The following INSRR variants were observed in gnomAD, a reference collection of about 807,000 sequenced individuals.
INSRR encodes the protein insulin receptor related receptor, also known as insulin receptor-related protein.
INSRR carries 114 observed loss-of-function variants against 130.0 expected under a neutral mutation model. That is an observed-to-expected ratio of 0.88 (90% CI 0.75 to 1.02). The LOEUF is 1.02. INSRR is among the 50% of genes least tolerant of loss of function. The probability of loss-of-function intolerance (pLI) is 0.00; values close to 1 mark genes in which losing one functional copy is unlikely to be tolerated. For synonymous variants in INSRR, 674 were observed against 705.2 expected, an observed-to-expected ratio of 0.96 and a Z score of 0.70; for missense variants, 1,657 against 1,735.2, an observed-to-expected ratio of 0.95 and a Z score of 0.80.
chr1:156,851,170 A>T, intron 5 of INSRR, 120 bp downstream of exon 5: 1 of 1,036,606 alleles, frequency 9.6e-7, no homozygotes, highest in Non-Finnish European at 1.5e-6. Flanking sequence ...TAACCTACTT[A>T]GAGTCACACG....
chr1:156,846,788 A>G (rs1458077477), intron 7 of INSRR, 31 bp from the exon 8 acceptor site: 1 of 1,548,136 alleles, frequency 6.5e-7, no homozygotes, highest in East Asian at 2.2e-5. Flanking sequence ...CTGAGGGGTC[A>G]TTCAACCCCA....
chr1:156,847,426 G>A (rs1655050584), intron 7 of INSRR, among the ~76,000 whole-genome samples: 1 of 152,218 alleles, frequency 6.6e-6, no homozygotes, highest in African/African-American at 2.4e-5. Flanking sequence ...GGGCTCCCTG[G>A]GGGAGATGAC....
chr1:156,845,669 C>T lies in INSRR; in HGVS notation c.2124G>A (p.Ser708=). Residue 708 remains serine (S), a synonymous_variant, in exon 10 of 22, where the codon TCG becomes TCA. Transcript: ENST00000368195. ...VLPPLEAQEA[S]FQKKFENFLH... ...GAAAGTTTTCAAACTTCTTCTGGAA[C>T]GAGGCCTCTTGCGCCTCCAGCGGGG... is the stretch of plus-strand genomic sequence containing the variant. 6.2e-6 allele frequency: 10 copies of T among 1,610,578 alleles called. No individual in the cohort carries two copies. Among genetic ancestry groups the T allele is most frequent in the Non-Finnish European group, 8.5e-6 (10 of 1,178,954 alleles).
chr1:156,849,172 G>C, intron 6 of INSRR, 74 bp downstream of exon 6: 2 of 1,601,218 alleles, frequency 1.2e-6, no homozygotes, highest in South Asian at 2.2e-5. Context: ...TCCCCCTCGA[G>C]CTTTCTCCCT....
chr1:156,849,111 C>T, intron 6 of INSRR, 64 bp from the exon 7 acceptor site: 1 of 1,597,140 alleles, frequency 6.3e-7, no homozygotes, highest in South Asian at 1.1e-5. Flanking sequence ...CCACCCTGAC[C>T]CCGCGGCATC....
intron 2 of INSRR, 121 bp downstream of exon 2, chr1:156,853,631 G>A (rs1387862999): frequency 1.0e-6 from 1 of 991,622 alleles, no homozygotes; most frequent in Non-Finnish European, 1.5e-6. Context: ...CTCATAGGAT[G>A]AGTGAGGATT....
intron 1 of INSRR, among the ~76,000 whole-genome samples, chr1:156,855,649 C>T (rs1250869553): frequency 6.6e-6 from 1 of 151,960 alleles, no homozygotes; most frequent in African/African-American, 2.4e-5. Context: ...ATGGCAAAAC[C>T]CCACCTCTAA....
At chr1:156,850,330 G>A (rs1655157352) in intron 5 of INSRR, among the ~76,000 whole-genome samples, 1 of 151,958 alleles carries the variant, frequency 6.6e-6, no homozygotes, top group Non-Finnish European at 1.5e-5. Context: ...TCCTGCCTCA[G>A]CCTCCTGAGT....
chr1:156,840,801 G>A lies in INSRR; in HGVS notation c.*72C>T. ...GAGTTGGGGTGGGGGTGAACATTCA[G>A]GCGTCTCAGCCACAGAGGTCGGGTC... is the stretch of plus-strand genomic sequence containing the variant. On this transcript the variant is annotated 3_prime_UTR_variant, in exon 22 of 22. Transcript: ENST00000368195. 8.5e-7 allele frequency: 1 copy of A among 1,175,464 alleles called. No homozygotes were observed. 72.8% of individuals were successfully genotyped at this position (1,175,464 alleles called of 1,614,324 possible). A position where few individuals can be genotyped will look rare whatever the true frequency, so the allele number is the denominator to read the frequency against.
intron 1 of INSRR, 109 bp downstream of exon 1, chr1:156,858,428 T>G (rs1655486648): frequency 1.2e-6 from 1 of 812,872 alleles, no homozygotes. Context: ...CCAACCCCCA[T>G]GTTCCAGTGC....
At chr1:156,849,929 T>C (rs985119746) in intron 5 of INSRR, among the ~76,000 whole-genome samples, 6 of 151,306 alleles carry the variant, frequency 4.0e-5, no homozygotes, top group Admixed American at 6.6e-5. Context: ...TTTTTTTTTT[T>C]CCTCACTCTG....
chr1:156,844,452 C>A lies in INSRR; in HGVS notation c.2737+10G>T. ...CGGTGATACAGGTCTGTGACAGAGG[C>A]TGTGTATACCTGGGCCAAGGATGTA... On this transcript the variant is annotated intron_variant, in intron 14 of 21. Coordinates refer to ENST00000368195, the MANE Select transcript of INSRR (RefSeq NM_014215.3). The A allele has an allele frequency of 6.2e-7, 1 of 1,611,436 alleles. No homozygotes were observed. Among genetic ancestry groups the A allele is most frequent in the South Asian group, 1.1e-5 (1 of 90,656 alleles).
chr1:156,854,399 G>C lies in INSRR; in HGVS notation c.86-96C>G, dbSNP rs1225476779. On this transcript the variant is annotated intron_variant, in intron 1 of 21. Transcript: ENST00000368195. The surrounding 1 kb of genome is among the most constrained non-coding windows in gnomAD (Gnocchi z 4.2). ...TGGAGGGGAGCCACACTGGCAGTAG[G>C]ACAATGAGTGAGGAGCCGGGCTCTG... 8.0e-7 allele frequency: 1 copy of C among 1,256,058 alleles called. No individual in the cohort carries two copies. Among genetic ancestry groups the C allele is most frequent in the Admixed American group, 2.3e-5 (1 of 43,990 alleles). 77.8% of individuals were successfully genotyped at this position (1,256,058 alleles called of 1,614,324 possible).
At chr1:156,852,555 C>T (rs1274538696) in intron 2 of INSRR, among the ~76,000 whole-genome samples, 1 of 152,248 alleles carries the variant, frequency 6.6e-6, no homozygotes, top group African/African-American at 2.4e-5. Context: ...GCCAGCCTCT[C>T]CTGAGCAGCT....
chr1:156,856,480 A>G (rs1437804361), intron 1 of INSRR, among the ~76,000 whole-genome samples: 1 of 152,174 alleles, frequency 6.6e-6, no homozygotes, highest in Non-Finnish European at 1.5e-5. Context: ...TGTAGGGTGT[A>G]GATAAACCAT....
Sources: gnomAD v4.1 joint callset for allele counts (sites outside exome capture counted in the v4.1 genomes callset) on GRCh38, gnomAD v4.1.1 for gene constraint, Gnocchi (gnomAD v3.1) non-coding constraint, MANE v1.5 for transcripts, NCBI Gene and HGNC (gene_info 2026-07-23, HGNC 2026-07-21) for gene names.